The following DUOX1 variants were observed in gnomAD, a reference collection of about 807,000 sequenced individuals.
DUOX1 encodes NADPH thyroid oxidase 1.
Under a neutral mutation model 181.8 loss-of-function variants are expected in DUOX1, and 134 were observed. That is an observed-to-expected ratio of 0.74 (90% confidence interval 0.64 to 0.85). The LOEUF is 0.85. Ranked by LOEUF, DUOX1 falls within the 40% of genes least tolerant of loss-of-function variation. The pLI is 0.00. For missense variants in DUOX1, 1,814 were observed against 2,064.4 expected (o/e 0.88, Z 2.35); for synonymous variants, 798 against 832.5 (o/e 0.96, Z 0.71).
chr15:45,141,915 G>C, intron 14 of DUOX1, 60 bp from the exon 15 acceptor site: 1 of 1,559,690 alleles, frequency 6.4e-7, no homozygotes, highest in Non-Finnish European at 8.7e-7. Context: ...CCTCCTCCGT[G>C]ATCCTGTGCC....
intron 18 of DUOX1, among the ~76,000 whole-genome samples, chr15:45,145,946 G>T (rs1440255540): frequency 6.6e-6 from 1 of 152,062 alleles, no homozygotes; most frequent in Admixed American, 6.5e-5. Context: ...AATACAGCAT[G>T]GTTCTCCCAC....
chr15:45,153,272 T>A, intron 25 of DUOX1, 108 bp from the exon 26 acceptor site: 1 of 716,660 alleles, frequency 1.4e-6, no homozygotes, highest in Non-Finnish European at 2.5e-6. Flanking sequence ...ACTCCTAAGG[T>A]ACTTCTCTGG....
intron 22 of DUOX1, among the ~76,000 whole-genome samples, 154 bp from the exon 23 acceptor site, chr15:45,150,969 G>A (rs1242346029): frequency 1.3e-5 from 2 of 152,210 alleles, no homozygotes; most frequent in Non-Finnish European, 2.9e-5. Context: ...CCCAAGATCA[G>A]ACTCTGTCTA....
At chr15:45,162,048 C>G (rs887207890) in intron 30 of DUOX1, 78 bp downstream of exon 30, 4 of 1,470,512 alleles carry the variant, frequency 2.7e-6, no homozygotes, top group Non-Finnish European at 3.7e-6. Flanking sequence ...CTAGACTCCC[C>G]GCTCTGTGCC....
intron 4 of DUOX1, 131 bp from the exon 5 acceptor site, chr15:45,134,973 G>T: frequency 9.6e-7 from 1 of 1,040,650 alleles, no homozygotes; most frequent in Non-Finnish European, 1.4e-6. Context: ...CCTAAGGTCA[G>T]GGCTTGGACT....
chr15:45,138,962 C>T, intron 10 of DUOX1, 104 bp from the exon 11 acceptor site: 2 of 1,040,952 alleles, frequency 1.9e-6, no homozygotes, highest in Non-Finnish European at 2.8e-6. Context: ...AACAGCAGGA[C>T]TGGGTGGGCT....
chr15:45,139,887 T>C, intron 12 of DUOX1: 1 of 572,282 alleles, frequency 1.7e-6, no homozygotes, highest in Non-Finnish European at 3.1e-6. Flanking sequence ...CTCTCCACCC[T>C]CCTGAGTGGG....
At position 45,152,471 on chromosome 15, in the gene DUOX1, G is replaced by T. The variant is rs1355150599; in HGVS notation, c.3379G>T (p.Val1127Leu). 2 of 1,614,142 alleles carry T rather than the reference G, an allele frequency of 1.2e-6. No individual in the cohort carries two copies. The highest frequency in any genetic ancestry group is 1.3e-5 in the African/African-American group (1 of 75,050). ...CCGCTACGTGCCCTTCGACGCCGCCGTGGACTTCCATCGCCTCATTGCCTC... is the reference window on the plus strand; with the variant it reads ...CCGCTACGTGCCCTTCGACGCCGCCTTGGACTTCCATCGCCTCATTGCCTC... ...LNRYVPFDAA[V>L]DFHRLIASTA... is the part of the protein sequence containing the mutation. Residue 1127 changes from valine to leucine, a missense_variant, in exon 25 of 34, where the codon GTG (valine) becomes TTG (leucine). Coordinates refer to ENST00000389037, the MANE Select transcript of DUOX1 (RefSeq NM_175940.3).
At chr15:45,141,491 C>A in intron 14 of DUOX1, 81 bp downstream of exon 14, 1 of 1,433,542 alleles carries the variant, frequency 7.0e-7, no homozygotes, top group Non-Finnish European at 9.8e-7. Context: ...CTCAATGTGG[C>A]TGAACGTCAA....
chr15:45,153,050 G>C (rs897416613), intron 25 of DUOX1: 7 of 313,024 alleles, frequency 2.2e-5, no homozygotes, highest in Non-Finnish European at 3.6e-5. Context: ...GTGAAACCCC[G>C]TCTCTACTAA....
chr15:45,132,661 C>G (rs905297237), intron 2 of DUOX1, among the ~76,000 whole-genome samples: 1 of 152,182 alleles, frequency 6.6e-6, no homozygotes, highest in African/African-American at 2.4e-5. Context: ...AAGGATCTGT[C>G]CTGGCTGGAG....
intron 10 of DUOX1, 64 bp downstream of exon 10, chr15:45,138,078 A>C (rs113680445): frequency 1.8e-6 from 1 of 547,324 alleles, no homozygotes; most frequent in Non-Finnish European, 2.9e-6. Flanking sequence ...GTGTGTGTGT[A>C]TGTGTGTGTG....
In DUOX1 at chr15:45,156,049, C is replaced by T. The variant is rs1386108811; in HGVS notation, c.3702+120C>T. ...TATTTGAAGCATCCTCTTCACTTCT[C>T]GACGTCCCTCTTTGAAGGTGGAGAT... On this transcript the variant is annotated intron_variant, in intron 28 of 33. Transcript: ENST00000389037. 11 of 1,350,578 alleles carry T rather than the reference C, an allele frequency of 8.1e-6. No homozygotes were observed. The African/African-American group carries it at 1.0e-4, about 12-fold the overall frequency. 83.7% of individuals were successfully genotyped at this position (1,350,578 alleles called of 1,614,324 possible).
chr15:45,131,624 G>C, intron 1 of DUOX1: 1 of 324,892 alleles, frequency 3.1e-6, no homozygotes, highest in Non-Finnish European at 5.8e-6. Flanking sequence ...GGCCAAAGCA[G>C]GGTTTTCCAA....
At position 45,150,720 on chromosome 15, in the gene DUOX1, A is replaced by T. The variant is rs202199506; in HGVS notation, c.2888+19A>T. On this transcript the variant is annotated intron_variant, in intron 22 of 33. Coordinates refer to ENST00000389037, the MANE Select transcript of DUOX1 (RefSeq NM_175940.3). Reference sequence around the variant, plus strand: ...TGATCTGGTGAGCACCCATCTGGGAATGTCGGGGGGAGGAGTTGGGGAGTT... The same window carrying T: ...TGATCTGGTGAGCACCCATCTGGGATTGTCGGGGGGAGGAGTTGGGGAGTT... 13 of 1,613,054 alleles carry T rather than the reference A, an allele frequency of 8.1e-6. No homozygotes were observed. The African/African-American group carries it at 1.7e-4, about 22-fold the overall frequency.
rs1896559202 is a variant in DUOX1 at position 45,143,364 on chromosome 15, C to T, written c.1936+61C>T. Reference sequence around the variant, plus strand: ...GACATGGCTCAGCGCTACAGCTACCCACCTCCACCCCAGCAGCCTAAGGAA... The same window carrying T: ...GACATGGCTCAGCGCTACAGCTACCTACCTCCACCCCAGCAGCCTAAGGAA... On this transcript the variant is annotated intron_variant, in intron 16 of 33. Transcript: ENST00000389037. 3.0e-6 allele frequency: 4 copies of T among 1,345,536 alleles called. No individual in the cohort carries two copies. In the South Asian group the frequency reaches 3.6e-5, roughly 12 times the overall value. 83.3% of individuals were successfully genotyped at this position (1,345,536 alleles called of 1,614,324 possible).
In DUOX1 at chr15:45,164,946, T is replaced by C. The variant is rs1212854693; in HGVS notation, c.*45T>C. The C allele has an allele frequency of 6.2e-7, 1 of 1,601,210 alleles. No homozygotes were observed. The highest frequency in any genetic ancestry group is 1.3e-5 in the African/African-American group (1 of 74,786). The stretch of plus-strand genomic sequence containing the variant: ...GCCCACTGCCCAGTTGAGCAGAGGT[T>C]TGAGCCCACACCTCACCTCTGTTCT... On this transcript the variant is annotated 3_prime_UTR_variant, in exon 34 of 34. Transcript: ENST00000389037.
At chr15:45,149,009 C>G (rs1173353833) in intron 21 of DUOX1, among the ~76,000 whole-genome samples, 1 of 152,122 alleles carries the variant, frequency 6.6e-6, no homozygotes, top group African/African-American at 2.4e-5. Flanking sequence ...TGTCCTTCCC[C>G]CTACTTCCTG....
chr15:45,158,008 G>A (rs1897005672), intron 28 of DUOX1, among the ~76,000 whole-genome samples: 1 of 151,950 alleles, frequency 6.6e-6, no homozygotes, highest in Non-Finnish European at 1.5e-5. Context: ...AAGGACCCCA[G>A]TATAGACTAG....
Sources: allele counts gnomAD v4.1 joint callset (sites outside exome capture counted in the v4.1 genomes callset), GRCh38; gene constraint gnomAD v4.1.1; transcripts MANE v1.5; gene names NCBI Gene and HGNC (gene_info 2026-07-23, HGNC 2026-07-21).